LOC122513141: variants seen among roughly 807,000 people sequenced by gnomAD.
the LOC122513141 span, chr9:137,218,451 G>A: frequency 2.3e-5 from 9 of 398,308 alleles, no homozygotes; most frequent in African/African-American, 4.1e-5. Context: ...CTGGGTGCCC[G>A]GCTCTGGACC....
the LOC122513141 span, chr9:137,217,924 C>A: frequency 2.5e-6 from 1 of 398,584 alleles, no homozygotes. Context: ...CACCAGCAAG[C>A]AAAGGGGATG....
At chr9:137,218,140 C>T in the LOC122513141 span, 4,484 of 398,712 alleles carry the variant, frequency 0.011, 170 homozygotes, top group African/African-American at 0.081. Context: ...ACTGTAGCCA[C>T]GGCCTGTGTG....
chr9:137,217,682 C>T, the LOC122513141 span: 1 of 295,912 alleles, frequency 3.4e-6, no homozygotes, highest in Non-Finnish European at 6.2e-6. Flanking sequence ...GGAGAGCCAG[C>T]CGGGAGGTCA....
At chr9:137,217,748 G>A in the LOC122513141 span, 5 of 382,816 alleles carry the variant, frequency 1.3e-5, no homozygotes, top group African/African-American at 2.1e-5. Flanking sequence ...CGCCCCTGTC[G>A]CCGCCCTGGG....
the LOC122513141 span, chr9:137,218,978 A>G: frequency 1.4e-5 from 3 of 217,836 alleles, no homozygotes; most frequent in East Asian, 9.5e-5. Context: ...TCCGAGGGCC[A>G]GCTGAGCACA....
At chr9:137,218,597 C>A in the LOC122513141 span, 9 of 398,742 alleles carry the variant, frequency 2.3e-5, no homozygotes, top group Non-Finnish European at 4.0e-5. Context: ...CCGCTCTGGC[C>A]GCTGAGCAGA....
At chr9:137,218,080 G>A in the LOC122513141 span, 26 of 399,294 alleles carry the variant, frequency 6.5e-5, no homozygotes, top group Non-Finnish European at 1.0e-4. Context: ...AGGAGTGCCC[G>A]ATCTGCACAG....
chr9:137,218,854 G>C, the LOC122513141 span: 2 of 386,816 alleles, frequency 5.2e-6, no homozygotes, highest in Non-Finnish European at 9.1e-6. Context: ...CAGCGCCCAA[G>C]GACAGCTCCT....
chr9:137,218,450 C>T, the LOC122513141 span: 1 of 398,232 alleles, frequency 2.5e-6, no homozygotes. Context: ...CCTGGGTGCC[C>T]GGCTCTGGAC....
chr9:137,219,092 A>T, the LOC122513141 span: 1 of 154,666 alleles, frequency 6.5e-6, no homozygotes, highest in East Asian at 1.9e-4. Flanking sequence ...TGTGTCCCTG[A>T]AGGTCAGGCC....
At chr9:137,217,859 G>A in the LOC122513141 span, 1 of 398,314 alleles carries the variant, frequency 2.5e-6, no homozygotes, top group Non-Finnish European at 4.4e-6. Flanking sequence ...CTCTGGGCCT[G>A]TCAGTCCACC....
chr9:137,218,223 G>A, the LOC122513141 span: 6 of 398,360 alleles, frequency 1.5e-5, no homozygotes, highest in Middle Eastern at 6.3e-4. Context: ...CCGCTGTGCC[G>A]CCAGAAGACG....
the LOC122513141 span, chr9:137,217,529 G>A: frequency 1.9e-5 from 3 of 156,176 alleles, no homozygotes; most frequent in Non-Finnish European, 2.8e-5. Context: ...TTGATCTGTC[G>A]TCGGCGGGTC....
chr9:137,217,985 G>T, the LOC122513141 span: 1 of 398,840 alleles, frequency 2.5e-6, no homozygotes, highest in Non-Finnish European at 4.4e-6. Flanking sequence ...GCCCCTGCTG[G>T]GGGCCAAAGC....
chr9:137,217,657 G>C, the LOC122513141 span: 1 of 249,388 alleles, frequency 4.0e-6, no homozygotes, highest in Non-Finnish European at 7.6e-6. Flanking sequence ...CCCCAGTCAA[G>C]TCCACTTCCA....
the LOC122513141 span, chr9:137,218,777 A>G: frequency 2.5e-6 from 1 of 397,060 alleles, no homozygotes; most frequent in Non-Finnish European, 4.4e-6. Flanking sequence ...AGGGCTACCC[A>G]GAGGCCTGAC....
the LOC122513141 span, chr9:137,217,986 G>A: frequency 5.0e-6 from 2 of 398,744 alleles, no homozygotes; most frequent in African/African-American, 2.1e-5. Context: ...CCCCTGCTGG[G>A]GGCCAAAGCC....
At chr9:137,217,977 C>A in the LOC122513141 span, 1 of 398,694 alleles carries the variant, frequency 2.5e-6, no homozygotes, top group African/African-American at 2.1e-5. Context: ...GCCAGTGAGC[C>A]CCTGCTGGGG....
At chr9:137,219,205 C>G in the LOC122513141 span, 1 of 152,310 alleles carries the variant, frequency 6.6e-6, no homozygotes, top group Non-Finnish European at 1.5e-5. Context: ...GCCTGTGTTG[C>G]AGGGGACAAG....
Sources: gnomAD v4.1 joint callset for allele counts on GRCh38, gnomAD v4.1.1 for gene constraint, MANE v1.5 for transcripts.